Variants in URB1 observed in about 807,000 individuals in gnomAD.
URB1 encodes the protein nucleolar pre-ribosomal-associated protein 1.
URB1 carries 197 observed loss-of-function variants against 242.3 expected under a neutral mutation model. The ratio of observed to expected loss-of-function variants is 0.81; its 90% CI spans 0.72 to 0.91. The LOEUF (loss-of-function observed/expected upper bound fraction) is 0.91, where lower values mean the gene tolerates loss of function less well. URB1 is among the 40% of genes least tolerant of loss of function. The probability of loss-of-function intolerance (pLI) is 0.00; values close to 1 mark genes in which losing one functional copy is unlikely to be tolerated. For synonymous variants in URB1, 1,153 were observed against 1,201.8 expected (o/e 0.96, Z 0.84); for missense variants, 2,721 against 2,860.5 (o/e 0.95, Z 1.11).
chr21:32,332,631 A>G (rs556925290), intron 30 of URB1, among the ~76,000 whole-genome samples: 1 of 151,452 alleles, frequency 6.6e-6, no homozygotes, highest in African/African-American at 2.4e-5. Flanking sequence ...AAATCCCATT[A>G]GAAAATGGGC....
chr21:32,317,554 T>C, intron 37 of URB1, 122 bp downstream of exon 37: 2 of 1,400,656 alleles, frequency 1.4e-6, no homozygotes, highest in Non-Finnish European at 1.9e-6. Context: ...GATGGATGTG[T>C]CCCATCTCTG....
At position 32,312,219 on chromosome 21, in the gene URB1, C is replaced by G. The variant is rs2032599818; in HGVS notation, c.*2699G>C. The G allele has an allele frequency of 6.9e-7, 1 of 1,453,978 alleles. No homozygotes were observed. Among genetic ancestry groups the G allele is most frequent in the South Asian group, 1.4e-5 (1 of 71,286 alleles). The allele number at this position is 1,453,978 out of a possible 1,614,324, so 90.1% of individuals were successfully genotyped here. On this transcript the variant is annotated 3_prime_UTR_variant, in exon 39 of 39. Transcript: ENST00000382751. ...TGCTGAGTTTATTGAGCACACCTAG[C>G]CTGCTTGCTTACTGCTTATATTTGC...
In URB1 at chr21:32,350,890, A is replaced by G. The variant is rs1568820544; in HGVS notation, c.2646T>C (p.Pro882=). The G allele has an allele frequency of 6.5e-7, 1 of 1,549,062 alleles. No individual in the cohort carries two copies. The highest frequency in any genetic ancestry group is 8.7e-7 in the Non-Finnish European group (1 of 1,146,934). ...TGAAGGACGAGGCCAAGGGAAGGGC[A>G]GGGGGCGAGGGGCTGCCCTGTGCCT... ...LLQAQGSPSP[P]ALPLASSFTA... Residue 882 remains proline (P), a synonymous_variant, in exon 20 of 39, where the codon CCT becomes CCC. Coordinates refer to ENST00000382751, the MANE Select transcript of URB1 (RefSeq NM_014825.3).
At chr21:32,364,124 C>G (rs945432280) in intron 10 of URB1, among the ~76,000 whole-genome samples, 7 of 152,106 alleles carry the variant, frequency 4.6e-5, no homozygotes, top group Admixed American at 4.6e-4. Context: ...ACATCACAGG[C>G]CTGTGACATC....
Position 32,357,532 on chromosome 21 carries a change from C to A in URB1, c.1989+5G>T. On this transcript the variant is annotated splice_donor_5th_base_variant and intron_variant, in intron 15 of 38. Coordinates refer to ENST00000382751, the MANE Select transcript of URB1 (RefSeq NM_014825.3). ...CAGAGTTAGAAACTGGTAGAAAATGCTCACCTTCATGATCAGAAGTTTGGT... is the reference window on the plus strand; with the variant it reads ...CAGAGTTAGAAACTGGTAGAAAATGATCACCTTCATGATCAGAAGTTTGGT... 6.7e-7 allele frequency: 1 copy of A among 1,500,134 alleles called. No homozygotes were observed. Among genetic ancestry groups the A allele is most frequent in the Non-Finnish European group, 8.9e-7 (1 of 1,128,610 alleles). The allele number at this position is 1,500,134 out of a possible 1,614,324, so 92.9% of individuals were successfully genotyped here.
At chr21:32,381,803 C>G (rs2033530102) in intron 4 of URB1, among the ~76,000 whole-genome samples, 1 of 152,158 alleles carries the variant, frequency 6.6e-6, no homozygotes, top group South Asian at 2.1e-4. Flanking sequence ...TCGACTGCCC[C>G]AGAGGAAACT....
At chr21:32,366,535 C>T in intron 10 of URB1, 83 bp downstream of exon 10, 1 of 1,521,000 alleles carries the variant, frequency 6.6e-7, no homozygotes, top group Non-Finnish European at 8.9e-7. Context: ...CACATCCAGG[C>T]CAGTTCTCAG....
At chr21:32,345,689 T>A in intron 22 of URB1, 114 bp from the exon 23 acceptor site, 1 of 1,127,194 alleles carries the variant, frequency 8.9e-7, no homozygotes, top group Non-Finnish European at 1.2e-6. Context: ...ACCCTGGTGA[T>A]GCCACACCGG....
chr21:32,337,398 C>T lies in URB1; in HGVS notation c.4621+6G>A, dbSNP rs1167541302. The T allele has an allele frequency of 2.6e-6, 4 of 1,548,526 alleles. No individual in the cohort carries two copies. The East Asian group carries it at 9.8e-5, about 38-fold the overall frequency. Reference sequence around the variant, plus strand: ...TGCTCACACTACCCAGCCCTCACACCCTCACCTAGGACGCTGAGAGTGGCG... The same window carrying T: ...TGCTCACACTACCCAGCCCTCACACTCTCACCTAGGACGCTGAGAGTGGCG... On this transcript the variant is annotated splice_donor_region_variant and intron_variant, in intron 27 of 38. Transcript: ENST00000382751.
At chr21:32,336,818 C>T (rs1601129983) in intron 28 of URB1, among the ~76,000 whole-genome samples, 1 of 152,212 alleles carries the variant, frequency 6.6e-6, no homozygotes, top group African/African-American at 2.4e-5. Context: ...AAATGAGACA[C>T]CCCAGTCCAG....
chr21:32,322,299 T>A (rs888023233), intron 33 of URB1, among the ~76,000 whole-genome samples, 179 bp downstream of exon 33: 2 of 152,150 alleles, frequency 1.3e-5, no homozygotes, highest in Admixed American at 1.3e-4. Context: ...TGAGGCGCCA[T>A]GTAGAAGTGA....
Position 32,316,844 on chromosome 21 carries a change from C to T in URB1, c.6256G>A (p.Glu2086Lys), listed in dbSNP as rs574955611. The T allele has an allele frequency of 2.0e-5, 31 of 1,548,488 alleles. No homozygotes were observed. In the East Asian group the frequency reaches 2.9e-4, roughly 15 times the overall value. The change falls in exon 38 of 39, where the codon GAG (glutamate) becomes AAG (lysine). Residue 2086 changes from glutamate (E) to lysine (K), a missense_variant. Coordinates refer to ENST00000382751, the MANE Select transcript of URB1 (RefSeq NM_014825.3). ...TQEPVDSASP[E>K]SDAPGPVYAA... ...TATACGGGGCCTGGCGCATCGCTCTCGGGGCTGGCTGAGTCCACAGGCTCC... is the reference window on the plus strand; with the variant it reads ...TATACGGGGCCTGGCGCATCGCTCTTGGGGCTGGCTGAGTCCACAGGCTCC...
chr21:32,372,696 T>TAA (rs2033419453), intron 7 of URB1, 65 bp from the exon 8 acceptor site: 1 of 1,480,188 alleles, frequency 6.8e-7, no homozygotes, highest in Admixed American at 2.6e-5. Flanking sequence ...AGAGCTAGAG[T>TAA]AAAAACAAGG....
chr21:32,345,400 C>A lies in URB1; in HGVS notation c.4044G>T (p.Leu1348Phe). 6.4e-7 allele frequency: 1 copy of A among 1,551,376 alleles called. No individual in the cohort carries two copies. The highest frequency in any genetic ancestry group is 8.7e-7 in the Non-Finnish European group (1 of 1,146,940). ...LSVLMDRLPS[L>F]LHTPSSHKRW... Reference sequence around the variant, plus strand: ...TCTTGTGACTGCTTGGGGTGTGAAGCAAGCTGGGCAGGCGGTCCATGAGTA... The same window carrying A: ...TCTTGTGACTGCTTGGGGTGTGAAGAAAGCTGGGCAGGCGGTCCATGAGTA... Residue 1348 changes from leucine (L) to phenylalanine (F), a missense_variant, in exon 23 of 39, where the codon TTG becomes TTT. Leu to Phe is a conservative substitution (Grantham distance 22, BLOSUM62 0). Coordinates refer to ENST00000382751, the MANE Select transcript of URB1 (RefSeq NM_014825.3).
rs1039601845 is a variant in URB1, at chr21:32,383,421, C to A, written c.567+1G>T. The A allele has an allele frequency of 1.3e-6, 2 of 1,550,952 alleles. No homozygotes were observed. The highest frequency in any genetic ancestry group is 3.9e-5 in the Admixed American group (2 of 50,860). ...GGCACGAGACACTGTGGTCCCCTCACCTTTGAATCCCTCTTGGTCACCAGG... is the reference window on the plus strand; with the variant it reads ...GGCACGAGACACTGTGGTCCCCTCAACTTTGAATCCCTCTTGGTCACCAGG... On this transcript the variant is annotated splice_donor_variant, in intron 4 of 38. Transcript: ENST00000382751. LOFTEE classifies it high-confidence loss of function.
intron 8 of URB1, among the ~76,000 whole-genome samples, chr21:32,368,961 G>C (rs1478983880): frequency 2.0e-5 from 3 of 152,174 alleles, no homozygotes; most frequent in African/African-American, 4.8e-5. Flanking sequence ...CTACTGAAAA[G>C]AAAGGACAAA....
chr21:32,338,361 T>G (rs2032986714), intron 26 of URB1, among the ~76,000 whole-genome samples: 1 of 152,190 alleles, frequency 6.6e-6, no homozygotes, highest in Admixed American at 6.5e-5. Context: ...TTCATGCAAC[T>G]AATCAATTTC....
intron 3 of URB1, 68 bp downstream of exon 3, chr21:32,384,245 C>T: frequency 6.7e-7 from 1 of 1,501,244 alleles, no homozygotes; most frequent in East Asian, 2.5e-5. Context: ...CCAAATGCAC[C>T]TGCGGAGAGC....
rs2032691353 is a variant in URB1, at chr21:32,316,647, C to G, written c.6453G>C (p.Arg2151Ser). The change falls in exon 38 of 39, where the codon AGG (arginine) becomes AGC (serine). Residue 2151 changes from arginine (R) to serine (S), a missense_variant. Transcript: ENST00000382751. ...KDSAVRSSIF[R>S]LYSRLCGAEG... is the part of the protein sequence containing the mutation. ...CAGCCCCACAGAGCCGGCTATACAGCCTGAATATGCTGCTCCTCACGGCAC... is the reference window on the plus strand; with the variant it reads ...CAGCCCCACAGAGCCGGCTATACAGGCTGAATATGCTGCTCCTCACGGCAC... 1 of 1,551,520 alleles carries G rather than the reference C, an allele frequency of 6.4e-7. No homozygotes were observed. Among genetic ancestry groups the G allele is most frequent in the African/African-American group, 1.4e-5 (1 of 73,174 alleles).
Sources: allele counts gnomAD v4.1 joint callset (sites outside exome capture counted in the v4.1 genomes callset), GRCh38; gene constraint gnomAD v4.1.1; transcripts MANE v1.5; gene names NCBI Gene and HGNC (gene_info 2026-07-23, HGNC 2026-07-21).